The following UVRAG variants were observed in gnomAD, a reference collection of about 807,000 sequenced individuals.
UVRAG encodes the protein UV radiation resistance associated, also known as UV radiation resistance-associated gene protein.
UVRAG carries 19 observed loss-of-function variants against 78.0 expected under a neutral mutation model. The observed-to-expected ratio is 0.24, with a 90% CI of 0.17 to 0.36. The LOEUF is 0.36. Among genes scored for constraint, UVRAG ranks in the 10% least tolerant of loss-of-function variants. The pLI is 1.00. For synonymous variants in UVRAG, 323 were observed against 324.6 expected, an observed-to-expected ratio of 1.00 and a Z score of 0.05; for missense variants, 740 against 853.8, an observed-to-expected ratio of 0.87 and a Z score of 1.66.
At chr11:76,009,583 A>C (rs1364750841) in intron 11 of UVRAG, among the ~76,000 whole-genome samples, 2 of 152,142 alleles carry the variant, frequency 1.3e-5, no homozygotes, top group African/African-American at 4.8e-5. Flanking sequence ...CGTTTTATCT[A>C]CTTGAGAAGT....
chr11:76,141,497 T>G lies in UVRAG; in HGVS notation c.*84T>G, dbSNP rs2052815645. 1 of 1,292,112 alleles carries G rather than the reference T, an allele frequency of 7.7e-7. No homozygotes were observed. Among genetic ancestry groups the G allele is most frequent in the African/African-American group, 1.5e-5 (1 of 67,710 alleles). 80.0% of individuals were successfully genotyped at this position (1,292,112 alleles called of 1,614,324 possible). ...TGCACTTAACCCTTTGTGATAATGA[T>G]GACACAAAATGAATATTAATGGAGG... is the stretch of plus-strand genomic sequence containing the variant. On this transcript the variant is annotated 3_prime_UTR_variant, in exon 15 of 15. Coordinates refer to ENST00000356136, the MANE Select transcript of UVRAG (RefSeq NM_003369.4).
At chr11:76,022,853 G>A (rs542846814) in intron 12 of UVRAG, among the ~76,000 whole-genome samples, 15 of 151,906 alleles carry the variant, frequency 9.9e-5, no homozygotes, top group Middle Eastern at 6.8e-3. Flanking sequence ...CTTTATTACT[G>A]CCTTCTTTTG....
chr11:76,080,532 CA>C (rs1465801030), intron 13 of UVRAG, among the ~76,000 whole-genome samples: 1 of 151,748 alleles, frequency 6.6e-6, no homozygotes, highest in Non-Finnish European at 1.5e-5. Context: ...TTTTTTCAGA[CA>C]AAAACTGAAT....
chr11:76,044,695 A>T (rs1276383896), intron 12 of UVRAG, among the ~76,000 whole-genome samples: 1 of 152,060 alleles, frequency 6.6e-6, no homozygotes, highest in African/African-American at 2.4e-5. Context: ...AATTGCTTGA[A>T]CCTGGGAGAC....
At chr11:76,107,457 A>G (rs1454576182) in intron 13 of UVRAG, among the ~76,000 whole-genome samples, 1 of 152,210 alleles carries the variant, frequency 6.6e-6, no homozygotes, top group Non-Finnish European at 1.5e-5. Context: ...AGCTTTTTCA[A>G]TTACTAGACT....
At chr11:76,076,730 C>A (rs1320070228) in intron 13 of UVRAG, among the ~76,000 whole-genome samples, 1 of 152,056 alleles carries the variant, frequency 6.6e-6, no homozygotes, top group African/African-American at 2.4e-5. Flanking sequence ...CTTTTATGTA[C>A]TTATTGGCCA....
chr11:76,008,693 T>C (rs186805251), intron 10 of UVRAG, 114 bp from the exon 11 acceptor site: 5 of 516,784 alleles, frequency 9.7e-6, no homozygotes, highest in Admixed American at 3.4e-5. Flanking sequence ...ACAATTATGA[T>C]AATACTTGGA....
intron 4 of UVRAG, among the ~76,000 whole-genome samples, chr11:75,881,763 T>A (rs892766097): frequency 2.0e-5 from 3 of 152,218 alleles, no homozygotes; most frequent in Non-Finnish European, 2.9e-5. Flanking sequence ...TAGGAATCTG[T>A]TAGAATTGTA....
intron 14 of UVRAG, among the ~76,000 whole-genome samples, chr11:76,124,133 G>A (rs554155354): frequency 6.6e-6 from 1 of 152,296 alleles, no homozygotes; most frequent in Admixed American, 6.5e-5. Context: ...CATAGTTTTT[G>A]TAGGCCAAAT....
chr11:76,021,541 CCTT>C (rs1780395159), intron 12 of UVRAG, among the ~76,000 whole-genome samples: 1 of 148,056 alleles, frequency 6.8e-6, no homozygotes. Context: ...TTTATTATCT[CCTT>C]CATTCTGCTA....
intron 2 of UVRAG, among the ~76,000 whole-genome samples, chr11:75,857,978 G>A (rs1324627292): frequency 6.6e-6 from 1 of 151,698 alleles, no homozygotes; most frequent in Non-Finnish European, 1.5e-5. Flanking sequence ...TTAATTATTT[G>A]ATTATTGTAT....
intron 14 of UVRAG, among the ~76,000 whole-genome samples, chr11:76,120,842 G>A (rs773433505): frequency 2.6e-5 from 4 of 152,220 alleles, no homozygotes; most frequent in Non-Finnish European, 4.4e-5. Context: ...AGCAGCCGTG[G>A]AGTGAGGAGT....
At chr11:75,873,800 G>A (rs1946702961) in intron 3 of UVRAG, among the ~76,000 whole-genome samples, 1 of 152,076 alleles carries the variant, frequency 6.6e-6, no homozygotes, top group Non-Finnish European at 1.5e-5. Context: ...ACAAATGATT[G>A]CCATTACTCA....
intron 13 of UVRAG, among the ~76,000 whole-genome samples, chr11:76,103,864 CTAAA>C (rs1951926256): frequency 6.6e-6 from 1 of 151,618 alleles, no homozygotes; most frequent in African/African-American, 2.4e-5. Flanking sequence ...TTTTAAAAGA[CTAAA>C]TATGTATAGC....
At chr11:75,883,230 TGTTTTTCAA>T (rs1363192419) in intron 4 of UVRAG, among the ~76,000 whole-genome samples, 1 of 152,132 alleles carries the variant, frequency 6.6e-6, no homozygotes, top group Non-Finnish European at 1.5e-5. Context: ...GGTTTCATCA[TGTTTTTCAA>T]GTCACACTTT....
intron 1 of UVRAG, among the ~76,000 whole-genome samples, chr11:75,828,709 ATG>A (rs1258325216): frequency 5.6e-5 from 6 of 107,086 alleles, no homozygotes; most frequent in South Asian, 5.7e-4. Flanking sequence ...ATATATATAT[ATG>A]TGTATATATA....
intron 3 of UVRAG, among the ~76,000 whole-genome samples, chr11:75,878,974 A>G (rs1946880269): frequency 6.6e-6 from 1 of 151,930 alleles, no homozygotes; most frequent in Non-Finnish European, 1.5e-5. Flanking sequence ...AAATAAGCAA[A>G]AGTAGTTGAT....
chr11:76,101,079 TA>T (rs1951872849), intron 13 of UVRAG, among the ~76,000 whole-genome samples: 1 of 150,864 alleles, frequency 6.6e-6, no homozygotes, highest in African/African-American at 2.5e-5. Context: ...TACACGTGCA[TA>T]TGTCTTTATG....
chr11:76,039,550 A>G (rs1950602337), intron 12 of UVRAG, among the ~76,000 whole-genome samples: 1 of 152,226 alleles, frequency 6.6e-6, no homozygotes, highest in African/African-American at 2.4e-5. Context: ...CTGAAAATGA[A>G]TACAATACAA....
Sources: allele counts gnomAD v4.1 joint callset (sites outside exome capture counted in the v4.1 genomes callset), GRCh38; gene constraint gnomAD v4.1.1; transcripts MANE v1.5; gene names NCBI Gene and HGNC (gene_info 2026-07-23, HGNC 2026-07-21).